LMO2: variants seen among roughly 807,000 people sequenced by gnomAD.
LMO2 encodes LIM domain only 2.
A neutral mutation model predicts 23.2 loss-of-function variants in LMO2; 20 were observed. The ratio of observed to expected loss-of-function variants is 0.86; its 90% CI spans 0.61 to 1.25. LMO2 has a LOEUF of 1.25. Among genes scored for constraint, LMO2 ranks in the 50% most tolerant of loss-of-function variants. The pLI is 0.00. For synonymous variants in LMO2, 123 were observed against 130.2 expected, an observed-to-expected ratio of 0.94 and a Z score of 0.38; for missense variants, 270 against 315.3, an observed-to-expected ratio of 0.86 and a Z score of 1.09.
At chr11:33,869,226 C>A in intron 4 of LMO2, 120 bp downstream of exon 4, 2 of 672,376 alleles carry the variant, frequency 3.0e-6, no homozygotes, top group Non-Finnish European at 3.9e-6. Flanking sequence ...CACAGGGGGC[C>A]AAGGGCACGC....
Position 33,869,339 on chromosome 11 carries a change from C to G in LMO2, c.248+7G>C. On this transcript the variant is annotated splice_region_variant and intron_variant, in intron 4 of 5. Transcript: ENST00000257818. ...GGGGGTGGCAGGGGCAGGGGGGCCG[C>G]ACTTACTCTGAAGGGTCCAGGCTCT... is the stretch of plus-strand genomic sequence containing the variant. 4.2e-6 allele frequency: 5 copies of G among 1,193,578 alleles called. No homozygotes were observed. Among genetic ancestry groups the G allele is most frequent in the Non-Finnish European group, 5.2e-6 (5 of 954,422 alleles). 73.9% of individuals were successfully genotyped at this position (1,193,578 alleles called of 1,614,324 possible).
At chr11:33,890,438 G>A (rs532290645) in intron 1 of LMO2, among the ~76,000 whole-genome samples, 4 of 152,192 alleles carry the variant, frequency 2.6e-5, no homozygotes, top group East Asian at 3.9e-4. Flanking sequence ...TGCAACCTCC[G>A]CCTCCCGGGT....
intron 5 of LMO2, among the ~76,000 whole-genome samples, chr11:33,863,735 A>G (rs1187627011): frequency 6.6e-6 from 1 of 152,242 alleles, no homozygotes; most frequent in Admixed American, 6.5e-5. Context: ...AGGATGGCCC[A>G]GAGCATGGGA....
intron 4 of LMO2, among the ~76,000 whole-genome samples, chr11:33,869,106 G>C (rs1856897926): frequency 3.3e-5 from 5 of 152,208 alleles, no homozygotes; most frequent in Admixed American, 3.3e-4. Context: ...CAGTAGCCTG[G>C]AGTGGCCCGC....
At chr11:33,882,077 G>A (rs530004085) in intron 1 of LMO2, among the ~76,000 whole-genome samples, 190 bp from the exon 2 acceptor site, 9 of 152,286 alleles carry the variant, frequency 5.9e-5, no homozygotes, top group Admixed American at 2.6e-4. Context: ...TGGGGCAGGC[G>A]GAACTTTGGC....
intron 4 of LMO2, among the ~76,000 whole-genome samples, chr11:33,869,027 G>T (rs1295125701): frequency 6.6e-6 from 1 of 152,244 alleles, no homozygotes; most frequent in Non-Finnish European, 1.5e-5. Context: ...GCACCTGCGC[G>T]CCTCCAGGCT....
chr11:33,886,431 T>C (rs1857409116), intron 1 of LMO2, among the ~76,000 whole-genome samples: 2 of 152,182 alleles, frequency 1.3e-5, no homozygotes, highest in African/African-American at 4.8e-5. Flanking sequence ...GTGATATTCC[T>C]GGCCCATGGT....
chr11:33,870,671 C>T, intron 2 of LMO2: 1 of 702,796 alleles, frequency 1.4e-6, no homozygotes, highest in Non-Finnish European at 1.7e-6. Flanking sequence ...AATCCCCTCC[C>T]TCTGCACCTT....
At chr11:33,870,517 C>T in intron 2 of LMO2, 8 of 985,482 alleles carry the variant, frequency 8.1e-6, no homozygotes, top group Non-Finnish European at 9.6e-6. Context: ...TGCGGCCGCG[C>T]TCTGCAGAGG....
intron 1 of LMO2, among the ~76,000 whole-genome samples, chr11:33,882,455 C>G (rs574729311): frequency 1.3e-5 from 2 of 152,200 alleles, no homozygotes; most frequent in Non-Finnish European, 2.9e-5. Context: ...CATGCCTAAA[C>G]TAGAGAACTG....
Position 33,864,480 on chromosome 11 carries a change from CCT to C in LMO2, c.464+120_464+121del. ...CTGAGACTCAGCCTCTGCAGTCTGACCTCTTTCTATAGGTGGTGTCCGAGCCT... is the reference window on the plus strand; with the variant it reads ...CTGAGACTCAGCCTCTGCAGTCTGACCTTTCTATAGGTGGTGTCCGAGCCT... On this transcript the variant is annotated intron_variant, in intron 5 of 5. Transcript: ENST00000257818. This position sits in a 1 kb window ranked among gnomAD's most constrained non-coding sequence, Gnocchi z 4.8. 1 of 730,646 alleles carries C rather than the reference CCT, an allele frequency of 1.4e-6. No homozygotes were observed. Among genetic ancestry groups the C allele is most frequent in the East Asian group, 2.7e-5 (1 of 36,900 alleles). 45.3% of individuals were successfully genotyped at this position (730,646 alleles called of 1,614,324 possible). A position where few individuals can be genotyped will look rare whatever the true frequency, so the allele number is the denominator to read the frequency against.
At chr11:33,882,244 C>T (rs1321417395) in intron 1 of LMO2, among the ~76,000 whole-genome samples, 1 of 152,076 alleles carries the variant, frequency 6.6e-6, no homozygotes, top group Admixed American at 6.6e-5. Flanking sequence ...ACTGGTGTAT[C>T]AGGTGGCCTT....
chr11:33,869,263 G>C, intron 4 of LMO2, 83 bp downstream of exon 4: 1 of 1,057,712 alleles, frequency 9.5e-7, no homozygotes, highest in Non-Finnish European at 1.2e-6. Context: ...GAGCCCCCTC[G>C]CGGGCCGCCC....
At chr11:33,874,145 G>A (rs1401178457) in intron 2 of LMO2, among the ~76,000 whole-genome samples, 1 of 152,118 alleles carries the variant, frequency 6.6e-6, no homozygotes, top group Non-Finnish European at 1.5e-5. Context: ...AAACTATTCG[G>A]TTGTCACAGG....
chr11:33,887,940 AGTTGCATTTGG>A (rs1237068268), intron 1 of LMO2, among the ~76,000 whole-genome samples: 1 of 141,584 alleles, frequency 7.1e-6, no homozygotes, highest in Non-Finnish European at 1.5e-5. Flanking sequence ...ATGTGAGTGG[AGTTGCATTTGG>A]GTTGGGTTGG....
intron 5 of LMO2, among the ~76,000 whole-genome samples, chr11:33,862,297 C>T (rs753173580): frequency 6.6e-6 from 1 of 152,160 alleles, no homozygotes; most frequent in African/African-American, 2.4e-5. Flanking sequence ...GGTTAAGGTC[C>T]GTTGGGGGTC....
intron 1 of LMO2, among the ~76,000 whole-genome samples, chr11:33,882,633 C>G (rs150366128): frequency 6.6e-6 from 1 of 152,202 alleles, no homozygotes; most frequent in Admixed American, 6.5e-5. Flanking sequence ...CAAAAGATTA[C>G]GGTTATAAAT....
Position 33,884,165 on chromosome 11 carries a change from A to G in LMO2, c.-335-2278T>C, listed in dbSNP as rs78166498. Among the ~76,000 whole-genome samples, 200 of 152,252 alleles carry G rather than the reference A, an allele frequency of 1.3e-3. 9 individuals carry two copies. The East Asian group carries it at 0.036, about 27-fold the overall frequency. ...AGGGAAGCCACTGGTTGAGGGCCCCACTGAGAAGAGGACTCCCTGACTTCT... is the reference window on the plus strand; with the variant it reads ...AGGGAAGCCACTGGTTGAGGGCCCCGCTGAGAAGAGGACTCCCTGACTTCT... On this transcript the variant is annotated intron_variant, in intron 1 of 5. Coordinates refer to ENST00000257818, the MANE Select transcript of LMO2 (RefSeq NM_005574.4).
intron 2 of LMO2, among the ~76,000 whole-genome samples, chr11:33,876,002 C>T (rs1590647879): frequency 6.6e-6 from 1 of 152,240 alleles, no homozygotes; most frequent in Non-Finnish European, 1.5e-5. Context: ...TCTGCCTGAA[C>T]CACACTGGCC....
Sources: allele counts gnomAD v4.1 joint callset (sites outside exome capture counted in the v4.1 genomes callset), GRCh38; gene constraint gnomAD v4.1.1; non-coding constraint Gnocchi (gnomAD v3.1); transcripts MANE v1.5; gene names NCBI Gene and HGNC (gene_info 2026-07-23, HGNC 2026-07-21).